CCDC192: variants seen among roughly 807,000 people sequenced by gnomAD.
CCDC192 encodes coiled-coil domain containing 192.
At chr5:127,734,328 G>C (rs1172285595) in intron 2 of CCDC192, among the ~76,000 whole-genome samples, 10 of 151,844 alleles carry the variant, frequency 6.6e-5, no homozygotes, top group Non-Finnish European at 1.5e-4. Context: ...GTCTATCATT[G>C]TTGGACATTT....
chr5:127,842,763 T>C (rs1456602939), intron 5 of CCDC192, among the ~76,000 whole-genome samples: 1 of 152,186 alleles, frequency 6.6e-6, no homozygotes, highest in Non-Finnish European at 1.5e-5. Context: ...CCTCAATGAT[T>C]ATACTAGAAT....
intron 2 of CCDC192, among the ~76,000 whole-genome samples, chr5:127,722,775 A>T (rs976330479): frequency 6.6e-6 from 1 of 152,176 alleles, no homozygotes; most frequent in Non-Finnish European, 1.5e-5. Context: ...CTGTAGATGT[A>T]TGAATTTATT....
At chr5:127,816,450 G>C (rs1749031290) in intron 5 of CCDC192, among the ~76,000 whole-genome samples, 1 of 152,162 alleles carries the variant, frequency 6.6e-6, no homozygotes, top group African/African-American at 2.4e-5. Flanking sequence ...AGAAATACCA[G>C]TTTAAGCAGA....
chr5:127,816,007 T>C (rs1752630167), intron 5 of CCDC192, among the ~76,000 whole-genome samples: 2 of 152,202 alleles, frequency 1.3e-5, no homozygotes. Context: ...ATTTTGTCTC[T>C]AAAAGGTTTC....
intron 1 of CCDC192, among the ~76,000 whole-genome samples, chr5:127,705,716 A>C (rs1197907619): frequency 6.6e-6 from 1 of 152,076 alleles, no homozygotes; most frequent in African/African-American, 2.4e-5. Context: ...CAACAAGCAG[A>C]GAAGAGAGTA....
chr5:127,868,705 G>T (rs986740979), intron 5 of CCDC192, among the ~76,000 whole-genome samples: 3 of 152,016 alleles, frequency 2.0e-5, no homozygotes, highest in African/African-American at 7.2e-5. Context: ...TCAACATGAC[G>T]AAACCCAGTC....
At position 127,841,075 on chromosome 5, in the gene CCDC192, CT is replaced by C. The variant is rs574887305; in HGVS notation, c.412-34460del. ...GGAAATGGTCCCAAAAATTGAAATA[CT>C]TTACAGTGCCAGGAACAACATCATG... On this transcript the variant is annotated intron_variant, in intron 5 of 6. Coordinates refer to ENST00000514853, the MANE Select transcript of CCDC192 (RefSeq NM_001317938.2). 2.1e-3 allele frequency among the ~76,000 whole-genome samples: 323 copies of C among 152,240 alleles called. 2 individuals carry two copies. Among genetic ancestry groups the C allele is most frequent in the Non-Finnish European group, 3.7e-3 (249 of 67,988 alleles).
intron 6 of CCDC192, among the ~76,000 whole-genome samples, chr5:127,917,862 G>C (rs1008277149): frequency 6.6e-6 from 1 of 152,066 alleles, no homozygotes; most frequent in Non-Finnish European, 1.5e-5. Context: ...CACTAAAACC[G>C]GGCATGGTGG....
At chr5:127,718,468 T>C (rs1294197402) in intron 2 of CCDC192, among the ~76,000 whole-genome samples, 3 of 147,806 alleles carry the variant, frequency 2.0e-5, no homozygotes, top group Non-Finnish European at 4.5e-5. Flanking sequence ...ACTGGCATAA[T>C]TTGAGGAAAG....
intron 5 of CCDC192, among the ~76,000 whole-genome samples, chr5:127,830,195 G>A (rs10067671): frequency 0.024 from 3,663 of 152,136 alleles, 141 homozygotes; most frequent in African/African-American, 0.081. Context: ...CCTGTAGCAC[G>A]TGTGTGTCTT....
At chr5:127,923,374 A>C (rs1284579327) in intron 6 of CCDC192, among the ~76,000 whole-genome samples, 1 of 149,924 alleles carries the variant, frequency 6.7e-6, no homozygotes, top group Non-Finnish European at 1.5e-5. Context: ...AATTTTCATT[A>C]GTCTTTTTTT....
At chr5:127,745,617 A>G (rs902801461) in intron 2 of CCDC192, among the ~76,000 whole-genome samples, 1 of 152,228 alleles carries the variant, frequency 6.6e-6, no homozygotes, top group Non-Finnish European at 1.5e-5. Context: ...GACAAAAAGT[A>G]GAAATTAACA....
chr5:127,912,746 A>T (rs989354746), intron 6 of CCDC192, among the ~76,000 whole-genome samples: 4 of 152,222 alleles, frequency 2.6e-5, no homozygotes, highest in African/African-American at 9.6e-5. Flanking sequence ...TTTCTGCTAT[A>T]GGTTCTTTCT....
intron 6 of CCDC192, among the ~76,000 whole-genome samples, chr5:127,896,132 C>T (rs1049313285): frequency 2.6e-5 from 4 of 152,020 alleles, no homozygotes; most frequent in East Asian, 1.9e-4. Flanking sequence ...ATTGCACTTA[C>T]CCATCAGACT....
chr5:127,929,501 T>G (rs1303049482), intron 6 of CCDC192, among the ~76,000 whole-genome samples: 1 of 152,214 alleles, frequency 6.6e-6, no homozygotes, highest in Non-Finnish European at 1.5e-5. Context: ...AATAAAAGAT[T>G]GCATTCAAGT....
chr5:127,807,935 G>A (rs1337505020), intron 5 of CCDC192, among the ~76,000 whole-genome samples: 4 of 152,116 alleles, frequency 2.6e-5, no homozygotes, highest in Non-Finnish European at 4.4e-5. Context: ...GCAGGCAGGA[G>A]GGGGTAGTCT....
At chr5:127,797,779 T>TATATA (rs1561494285) in intron 4 of CCDC192, among the ~76,000 whole-genome samples, 15 of 106,384 alleles carry the variant, frequency 1.4e-4, no homozygotes, top group South Asian at 6.2e-4. Context: ...ATATATATAT[T>TATATA]TATTTATTTA....
At chr5:127,716,188 T>C (rs559088425) in intron 2 of CCDC192, among the ~76,000 whole-genome samples, 2 of 152,214 alleles carry the variant, frequency 1.3e-5, no homozygotes, top group South Asian at 4.2e-4. Flanking sequence ...TAATGAGTAA[T>C]GTTTATTGAT....
intron 2 of CCDC192, among the ~76,000 whole-genome samples, chr5:127,735,306 T>A (rs1469075807): frequency 7.2e-6 from 1 of 139,166 alleles, no homozygotes; most frequent in African/African-American, 2.8e-5. Context: ...TTGGTACCAG[T>A]ACCATGCTGT....
Sources: gnomAD v4.1 joint callset for allele counts (sites outside exome capture counted in the v4.1 genomes callset) on GRCh38, gnomAD v4.1.1 for gene constraint, MANE v1.5 for transcripts, NCBI Gene and HGNC (gene_info 2026-07-23, HGNC 2026-07-21) for gene names.